The following GPC5 variants were observed in gnomAD, a reference collection of about 807,000 sequenced individuals.
GPC5 encodes the protein glypican 5.
Under a neutral mutation model 53.9 loss-of-function variants are expected in GPC5, and 47 were observed. That is an observed-to-expected ratio of 0.87 (90% CI 0.69 to 1.11). GPC5 has a LOEUF of 1.11. Among genes scored for constraint, GPC5 ranks in the 50% most tolerant of loss-of-function variants. The pLI is 0.00. For missense variants in GPC5, 748 were observed against 713.1 expected (o/e 1.05, Z -0.56); for synonymous variants, 286 against 263.3 (o/e 1.09, Z -0.84).
intron 6 of GPC5, among the ~76,000 whole-genome samples, chr13:91,937,873 G>C (rs1482422866): frequency 6.6e-6 from 1 of 152,042 alleles, no homozygotes; most frequent in Non-Finnish European, 1.5e-5. Flanking sequence ...TTTCCTGTAT[G>C]AGAAGTGAGA....
intron 5 of GPC5, among the ~76,000 whole-genome samples, chr13:91,837,994 A>G (rs1334399194): frequency 6.6e-6 from 1 of 152,138 alleles, no homozygotes; most frequent in East Asian, 1.9e-4. Context: ...TCGTAGATGA[A>G]AATGGAGAGA....
chr13:92,790,104 G>T (rs1876408257), intron 7 of GPC5, among the ~76,000 whole-genome samples: 1 of 152,130 alleles, frequency 6.6e-6, no homozygotes, highest in African/African-American at 2.4e-5. Context: ...TATTCTAGCA[G>T]CACTGGCAGC....
chr13:92,047,820 A>G (rs971595748), intron 6 of GPC5, among the ~76,000 whole-genome samples: 5 of 150,296 alleles, frequency 3.3e-5, no homozygotes, highest in African/African-American at 1.2e-4. Flanking sequence ...AAAAAAAAAA[A>G]AAAAAAAGAA....
intron 6 of GPC5, among the ~76,000 whole-genome samples, chr13:92,038,206 T>G (rs1003704836): frequency 1.3e-5 from 2 of 152,082 alleles, no homozygotes; most frequent in African/African-American, 4.8e-5. Flanking sequence ...AATGATGGCA[T>G]TGACACCCAG....
intron 2 of GPC5, among the ~76,000 whole-genome samples, chr13:91,503,780 A>AAATAATAATAATAATAATAATAATAAT (rs74995934): frequency 7.5e-6 from 1 of 132,898 alleles, no homozygotes; most frequent in Non-Finnish European, 1.6e-5. Flanking sequence ...CTCTGTCTCA[A>AAATAATAATAATAATAATAATAATAAT]AATAATAATA....
chr13:91,580,112 G>A (rs1209782051), intron 2 of GPC5, among the ~76,000 whole-genome samples: 1 of 152,114 alleles, frequency 6.6e-6, no homozygotes, highest in African/African-American at 2.4e-5. Flanking sequence ...GTCCAGTGGC[G>A]CAATCGCGGC....
chr13:92,178,968 C>A (rs1408146786), intron 7 of GPC5, among the ~76,000 whole-genome samples: 2 of 151,866 alleles, frequency 1.3e-5, no homozygotes, highest in Non-Finnish European at 2.9e-5. Flanking sequence ...GGGACCCTGT[C>A]TCAAAAAATA....
chr13:92,171,037 T>C (rs1315845349), intron 7 of GPC5, among the ~76,000 whole-genome samples: 2 of 152,114 alleles, frequency 1.3e-5, no homozygotes, highest in African/African-American at 4.8e-5. Context: ...TACTCTATTC[T>C]TCTTAAATAT....
chr13:92,732,555 T>C (rs1211118472), intron 7 of GPC5, among the ~76,000 whole-genome samples: 1 of 151,658 alleles, frequency 6.6e-6, no homozygotes, highest in African/African-American at 2.4e-5. Flanking sequence ...TTTTGTAAAT[T>C]TGGAAGTTCT....
chr13:92,325,357 T>C (rs2043243940), intron 7 of GPC5, among the ~76,000 whole-genome samples: 1 of 152,016 alleles, frequency 6.6e-6, no homozygotes, highest in Non-Finnish European at 1.5e-5. Flanking sequence ...GATTGTAATA[T>C]CATTGACACC....
intron 7 of GPC5, among the ~76,000 whole-genome samples, chr13:92,628,243 CTTTTCTTTTTCT>C (rs1220689076): frequency 1.4e-5 from 1 of 71,394 alleles, no homozygotes; most frequent in Non-Finnish European, 3.4e-5. Flanking sequence ...ATCCTATTTT[CTTTTCTTTTTCT>C]TTTTCTTTCT....
At chr13:91,751,984 T>C (rs1370890241) in intron 4 of GPC5, among the ~76,000 whole-genome samples, 1 of 152,194 alleles carries the variant, frequency 6.6e-6, no homozygotes, top group African/African-American at 2.4e-5. Flanking sequence ...ATTTCCTCAA[T>C]AGTTCTGGGG....
intron 7 of GPC5, among the ~76,000 whole-genome samples, chr13:92,437,089 C>T (rs61973606): frequency 0.049 from 7,388 of 152,238 alleles, 254 homozygotes; most frequent in Admixed American, 0.091. Context: ...GGTTTGAATA[C>T]TTGCTTTGAA....
intron 3 of GPC5, among the ~76,000 whole-genome samples, chr13:91,726,685 T>A (rs959903436): frequency 5.3e-5 from 8 of 152,182 alleles, no homozygotes. Flanking sequence ...ATCAAATCCA[T>A]ATCCAAGTGC....
chr13:92,384,126 G>GT (rs60184723), intron 7 of GPC5, among the ~76,000 whole-genome samples: 6,872 of 149,036 alleles, frequency 0.046, 401 homozygotes, highest in African/African-American at 0.13. Context: ...GTTTTTATAG[G>GT]TTTTTTTTTT....
intron 7 of GPC5, among the ~76,000 whole-genome samples, chr13:92,697,006 G>T (rs1053378927): frequency 3.9e-5 from 6 of 152,190 alleles, no homozygotes; most frequent in African/African-American, 1.4e-4. Flanking sequence ...TCTGATGGTT[G>T]TAGATGTGTG....
At chr13:92,773,906 A>G (rs1461280853) in intron 7 of GPC5, among the ~76,000 whole-genome samples, 1 of 152,220 alleles carries the variant, frequency 6.6e-6, no homozygotes, top group Non-Finnish European at 1.5e-5. Context: ...CCTCACCATC[A>G]TGGTGGAAGG....
chr13:92,655,840 T>C (rs1287972368), intron 7 of GPC5, among the ~76,000 whole-genome samples: 1 of 152,138 alleles, frequency 6.6e-6, no homozygotes, highest in Non-Finnish European at 1.5e-5. Context: ...AATGAAAGAA[T>C]AGAAATAGAC....
intron 7 of GPC5, among the ~76,000 whole-genome samples, chr13:92,398,350 A>G (rs1207364157): frequency 7.2e-6 from 1 of 139,686 alleles, no homozygotes; most frequent in African/African-American, 2.7e-5. Flanking sequence ...AATGGCGTGA[A>G]CCCGGGAGGC....
Sources: allele counts gnomAD v4.1 joint callset (sites outside exome capture counted in the v4.1 genomes callset), GRCh38; gene constraint gnomAD v4.1.1; transcripts MANE v1.5; gene names NCBI Gene and HGNC (gene_info 2026-07-23, HGNC 2026-07-21).